The following NOTCH1 variants were observed in gnomAD, a reference collection of about 807,000 sequenced individuals.
The protein encoded by NOTCH1 is neurogenic locus notch homolog protein 1.
A neutral mutation model predicts 254.8 loss-of-function variants in NOTCH1; 37 were observed. The ratio of observed to expected loss-of-function variants is 0.15; its 90% CI spans 0.11 to 0.19. The LOEUF (loss-of-function observed/expected upper bound fraction) is 0.19, where lower values mean the gene tolerates loss of function less well. Among genes scored for constraint, NOTCH1 ranks in the 10% least tolerant of loss-of-function variants. NOTCH1 has a pLI of 1.00. For synonymous variants in NOTCH1, 1,731 were observed against 1,618.1 expected (o/e 1.07, Z -1.68); for missense variants, 2,972 against 3,708.6 (o/e 0.80, Z 5.16).
chr9:136,531,857 A>G (rs1843567153), intron 2 of NOTCH1, among the ~76,000 whole-genome samples: 1 of 152,200 alleles, frequency 6.6e-6, no homozygotes, highest in Non-Finnish European at 1.5e-5. Flanking sequence ...GTGGCCCCAG[A>G]GGTCACCTCA....
At position 136,518,141 on chromosome 9, in the gene NOTCH1, C is replaced by G. The variant is rs764212360; in HGVS notation, c.1251G>C (p.Ser417=). The change falls in exon 7 of 34, where the codon TCG becomes TCC. Residue 417 remains serine, a synonymous_variant. Transcript: ENST00000651671. ...PACSQDVDEC[S]LGANPCEHAG... ...ACCCCCTGTGCTGGCACCTACCCAG[C>G]GAGCACTCATCCACGTCCTGGCTGC... The G allele has an allele frequency of 2.3e-5, 36 of 1,586,852 alleles. No individual in the cohort carries two copies. The highest frequency in any genetic ancestry group is 3.5e-5 in the Admixed American group (2 of 56,832).
chr9:136,518,243 C>T lies in NOTCH1; in HGVS notation c.1149G>A (p.Glu383=). The change falls in exon 7 of 34, where the codon GAG becomes GAA. Residue 383 remains glutamate, a synonymous_variant. Transcript: ENST00000651671. The part of the protein sequence containing the change: ...NDACISNPCN[E]GSNCDTNPVN... ...CAGGGTTGGTGTCGCAGTTGGAGCCCTCGTTACAGGGGTTGCTGATGCATG... is the reference window on the plus strand; with the variant it reads ...CAGGGTTGGTGTCGCAGTTGGAGCCTTCGTTACAGGGGTTGCTGATGCATG... 2 of 1,611,040 alleles carry T rather than the reference C, an allele frequency of 1.2e-6. No individual in the cohort carries two copies. The highest frequency in any genetic ancestry group is 1.7e-6 in the Non-Finnish European group (2 of 1,179,178).
chr9:136,497,775 G>C (rs1842940959), intron 33 of NOTCH1, among the ~76,000 whole-genome samples: 2 of 152,148 alleles, frequency 1.3e-5, no homozygotes, highest in African/African-American at 2.4e-5. Flanking sequence ...CCCACCCAGA[G>C]AGGGGATCTG....
In NOTCH1 at chr9:136,513,001, A is replaced by T. The variant is rs1302948296; in HGVS notation, c.2467+20T>A. The stretch of plus-strand genomic sequence containing the variant: ...ACATAGGCCCCGCCCCCTCCAGCAC[A>T]GGCCCCACCCACCCCTCACCTGTGT... On this transcript the variant is annotated intron_variant, in intron 15 of 33. Transcript: ENST00000651671. This position sits in a 1 kb window ranked among gnomAD's most constrained non-coding sequence, Gnocchi z 4.7. 1.1e-6 allele frequency: 1 copy of T among 950,468 alleles called. No homozygotes were observed. The highest frequency in any genetic ancestry group is 1.4e-5 in the South Asian group (1 of 71,140). 58.9% of individuals were successfully genotyped at this position (950,468 alleles called of 1,614,324 possible).
rs1456445004 is a variant in NOTCH1, at chr9:136,513,028, G to C, written c.2460C>G (p.Pro820=). The change falls in exon 15 of 34, where the codon CCC becomes CCG. Residue 820 remains proline (P), a synonymous_variant. Transcript: ENST00000651671. The surrounding 1 kb of genome is among the most constrained non-coding windows in gnomAD (Gnocchi z 4.7). ...GCCCCACCCACCCCTCACCTGTGTA[G>C]GGCAGCAGGCAGTTGCACTTGTACC... ...VAGYKCNCLL[P]YTGATCEVVL... 1.4e-6 allele frequency: 2 copies of C among 1,447,300 alleles called. No homozygotes were observed. Among genetic ancestry groups the C allele is most frequent in the Non-Finnish European group, 9.5e-7 (1 of 1,055,490 alleles). The allele number at this position is 1,447,300 out of a possible 1,614,324, so 89.7% of individuals were successfully genotyped here. A position where few individuals can be genotyped will look rare whatever the true frequency, so the allele number is the denominator to read the frequency against.
At chr9:136,524,423 C>T (rs573342550) in intron 2 of NOTCH1, among the ~76,000 whole-genome samples, 51 of 152,180 alleles carry the variant, frequency 3.4e-4, no homozygotes, top group South Asian at 6.2e-4. Context: ...TCTACACCCG[C>T]GGAGAGCCAT....
Position 136,494,528 on chromosome 9 carries a change from C to T in NOTCH1, c.*1543G>A. 1.0e-5 allele frequency: 4 copies of T among 399,032 alleles called. No homozygotes were observed. Among genetic ancestry groups the T allele is most frequent in the Non-Finnish European group, 1.8e-5 (4 of 226,074 alleles). The allele number at this position is 399,032 out of a possible 1,614,324, so 24.7% of individuals were successfully genotyped here. ...CATCTACAGTTCCTCATGTAGATCA[C>T]TTTTAAAGTCTTTTTCTGTAAACTA... is the stretch of plus-strand genomic sequence containing the variant. On this transcript the variant is annotated 3_prime_UTR_variant, in exon 34 of 34. Transcript: ENST00000651671.
chr9:136,537,337 C>T (rs928801101), intron 2 of NOTCH1, among the ~76,000 whole-genome samples: 3 of 152,284 alleles, frequency 2.0e-5, no homozygotes, highest in Non-Finnish European at 4.4e-5. Flanking sequence ...AAACACATCA[C>T]GCTCAGTGAA....
chr9:136,525,599 G>A (rs753960825), intron 2 of NOTCH1, among the ~76,000 whole-genome samples: 32 of 152,170 alleles, frequency 2.1e-4, no homozygotes, highest in East Asian at 3.9e-4. Flanking sequence ...GCGGGGCTGC[G>A]GCGGCCGCCT....
Position 136,507,393 on chromosome 9 carries a change from G to A in NOTCH1, c.3555C>T (p.Asp1185=), listed in dbSNP as rs530064649. The part of the protein sequence containing the change: ...YHGVNCSEEI[D]ECLSHPCQNG... ...TCTGGCAGGGGTGGGAGAGGCACTC[G>A]TCGATCTCCTCAGAGCAGTTCACCC... Residue 1185 remains aspartate (D), a synonymous_variant, in exon 22 of 34, where the codon GAC becomes GAT. Coordinates refer to ENST00000651671, the MANE Select transcript of NOTCH1 (RefSeq NM_017617.5). The A allele has an allele frequency of 6.8e-6, 11 of 1,611,742 alleles. No homozygotes were observed. The highest frequency in any genetic ancestry group is 5.5e-5 in the South Asian group (5 of 90,874).
chr9:136,500,975 C>G (rs781166342), intron 30 of NOTCH1, 128 bp from the exon 31 acceptor site: 2 of 1,078,914 alleles, frequency 1.9e-6, no homozygotes, highest in East Asian at 2.6e-5. Flanking sequence ...TTGGTGGCCC[C>G]GTGCACACAG....
chr9:136,502,883 C>G, intron 27 of NOTCH1: 1 of 619,554 alleles, frequency 1.6e-6, no homozygotes, highest in Non-Finnish European at 2.9e-6. Flanking sequence ...TAAAAAAAGC[C>G]GTAATGATTT....
At chr9:136,524,615 C>A (rs1298675224) in intron 2 of NOTCH1, among the ~76,000 whole-genome samples, 1 of 150,876 alleles carries the variant, frequency 6.6e-6, no homozygotes, top group African/African-American at 2.4e-5. Flanking sequence ...CCCCTTCCTA[C>A]GTGGAAGCCT....
rs559674458 is a variant in NOTCH1, at chr9:136,526,472, G to A, written c.141-2493C>T. ...CTGGTCCCCTGCCTCCCGGCCCCTC[G>A]AGGCTCCAAGGAGCGGGAAAAGCTC... On this transcript the variant is annotated intron_variant, in intron 2 of 33. Coordinates refer to ENST00000651671, the MANE Select transcript of NOTCH1 (RefSeq NM_017617.5). 5.3e-5 allele frequency among the ~76,000 whole-genome samples: 8 copies of A among 152,216 alleles called. 2 individuals carry two copies. In the East Asian group the frequency reaches 1.4e-3, roughly 26 times the overall value.
rs138593788 is a variant in NOTCH1, at chr9:136,507,040, G to A, written c.3644-67C>T. 2.8e-4 allele frequency: 446 copies of A among 1,569,498 alleles called. No homozygotes were observed. The African/African-American group carries it at 3.5e-3, about 12-fold the overall frequency. On this transcript the variant is annotated intron_variant, in intron 22 of 33. Coordinates refer to ENST00000651671, the MANE Select transcript of NOTCH1 (RefSeq NM_017617.5). ...CCCGGCCCTGCCGTGCCGCGTGTCCGTCCCGGAAGACGAGCGCTCAGGTCT... is the reference window on the plus strand; with the variant it reads ...CCCGGCCCTGCCGTGCCGCGTGTCCATCCCGGAAGACGAGCGCTCAGGTCT...
rs746266896 is a variant in NOTCH1 at position 136,508,329 on chromosome 9, C to T, written c.3228G>A (p.Gln1076=). The part of the protein sequence containing the change: ...SPCKNGGKCW[Q]THTQYRCECP... ...ACTCGCAGCGGTACTGGGTGTGGGT[C>T]TGCCAGCATTTGCCGCCGTTCTTGC... Residue 1076 remains glutamine, a synonymous_variant, in exon 20 of 34, where the codon CAG becomes CAA. Transcript: ENST00000651671. 6.2e-7 allele frequency: 1 copy of T among 1,613,068 alleles called. No individual in the cohort carries two copies. The highest frequency in any genetic ancestry group is 1.1e-5 in the South Asian group (1 of 91,090).
Position 136,506,491 on chromosome 9 carries a change from TG to T in NOTCH1, c.4014+35del, listed in dbSNP as rs1843086870. 1.3e-6 allele frequency: 2 copies of T among 1,544,252 alleles called. No individual in the cohort carries two copies. The highest frequency in any genetic ancestry group is 3.9e-5 in the Admixed American group (2 of 51,310). On this transcript the variant is annotated intron_variant, in intron 24 of 33. Transcript: ENST00000651671. The surrounding 1 kb of genome is among the most constrained non-coding windows in gnomAD (Gnocchi z 4.5). Reference sequence around the variant, plus strand: ...CGTGGACCTCTCCAGGTGTCTCCCCTGGCGGGCCCCTGCCTCCCTGCACCCC... The same window carrying T: ...CGTGGACCTCTCCAGGTGTCTCCCCTGCGGGCCCCTGCCTCCCTGCACCCC...
chr9:136,496,815 G>A lies in NOTCH1; in HGVS notation c.6924C>T (p.Cys2308=), dbSNP rs756653663. Reference sequence around the variant, plus strand: ...CGCTCTGCAGCCGGGACAGCCACTCGCATTGACCATTCAAACTGGTGGACC... The same window carrying A: ...CGCTCTGCAGCCGGGACAGCCACTCACATTGACCATTCAAACTGGTGGACC... The part of the protein sequence containing the change: ...VGGSTSLNGQ[C]EWLSRLQSGM... Residue 2308 remains cysteine, a synonymous_variant, in exon 34 of 34, where the codon TGC becomes TGT. Coordinates refer to ENST00000651671, the MANE Select transcript of NOTCH1 (RefSeq NM_017617.5). The A allele has an allele frequency of 8.1e-6, 13 of 1,612,936 alleles. No homozygotes were observed. Among genetic ancestry groups the A allele is most frequent in the East Asian group, 4.5e-5 (2 of 44,888 alleles).
chr9:136,513,630 C>A lies in NOTCH1; in HGVS notation c.2208-93G>T. ...GGGTCTGCAATGCCCTATGGGCTGGCGGAGGTGCCCATCCACTCAGACTCG... is the reference window on the plus strand; with the variant it reads ...GGGTCTGCAATGCCCTATGGGCTGGAGGAGGTGCCCATCCACTCAGACTCG... On this transcript the variant is annotated intron_variant, in intron 13 of 33. Transcript: ENST00000651671. This position sits in a 1 kb window ranked among gnomAD's most constrained non-coding sequence, Gnocchi z 4.7. The A allele has an allele frequency of 7.0e-7, 1 of 1,422,888 alleles. No homozygotes were observed. The highest frequency in any genetic ancestry group is 9.7e-7 in the Non-Finnish European group (1 of 1,029,060). The allele number at this position is 1,422,888 out of a possible 1,614,324, so 88.1% of individuals were successfully genotyped here. A position where few individuals can be genotyped will look rare whatever the true frequency, so the allele number is the denominator to read the frequency against.
Sources: allele counts gnomAD v4.1 joint callset (sites outside exome capture counted in the v4.1 genomes callset), GRCh38; gene constraint gnomAD v4.1.1; non-coding constraint Gnocchi (gnomAD v3.1); transcripts MANE v1.5; gene names NCBI Gene and HGNC (gene_info 2026-07-23, HGNC 2026-07-21).